MAP9: variants seen among roughly 807,000 people sequenced by gnomAD.
MAP9 encodes the protein microtubule associated protein 9.
A neutral mutation model predicts 75.2 loss-of-function variants in MAP9; 80 were observed. The observed-to-expected ratio is 1.06, with a 90% CI of 0.89 to 1.28. The LOEUF is 1.28. Among genes scored for constraint, MAP9 ranks in the 50% most tolerant of loss-of-function variants. The pLI, the probability that MAP9 is intolerant of heterozygous loss-of-function variation, is 0.00. For synonymous variants in MAP9, 235 were observed against 237.3 expected, an observed-to-expected ratio of 0.99 and a Z score of 0.09; for missense variants, 753 against 719.9, an observed-to-expected ratio of 1.05 and a Z score of -0.53.
chr4:155,359,856 T>C (rs1324997141), intron 7 of MAP9, among the ~76,000 whole-genome samples: 2 of 152,116 alleles, frequency 1.3e-5, no homozygotes, highest in Non-Finnish European at 2.9e-5. Flanking sequence ...CAGACAGTTA[T>C]ATTTTTAAAA....
At position 155,373,279 on chromosome 4, in the gene MAP9, T is replaced by G. The variant is rs1732687154; in HGVS notation, c.338A>C (p.Glu113Ala). The G allele has an allele frequency of 6.2e-7, 1 of 1,613,886 alleles. No individual in the cohort carries two copies. The highest frequency in any genetic ancestry group is 1.3e-5 in the African/African-American group (1 of 75,052). ...ACACCCATCAGGTGCCATTTCCTCT[T>G]CATTTTTGATGGCACACACTGGCTC... Reference protein sequence around the residue: ...KDEPVCAIKNEEEMAPDGCED... With the variant: ...KDEPVCAIKNAEEMAPDGCED... Residue 113 changes from glutamate to alanine, a missense_variant, in exon 4 of 14, where the codon GAA (glutamate) becomes GCA (alanine). Transcript: ENST00000311277.
intron 5 of MAP9, among the ~76,000 whole-genome samples, chr4:155,364,053 G>A (rs937774323): frequency 1.3e-5 from 2 of 152,032 alleles, no homozygotes; most frequent in Non-Finnish European, 2.9e-5. Flanking sequence ...CAGTCAAATT[G>A]CTGTAATCAA....
intron 5 of MAP9, chr4:155,362,470 G>T: frequency 5.7e-6 from 1 of 176,840 alleles, no homozygotes; most frequent in Non-Finnish European, 1.2e-5. Context: ...TTAAGGCCAA[G>T]ATTTGATTTT....
rs1489479737 is a variant in MAP9, at chr4:155,345,289, T to C, written c.*2494A>G. The C allele has an allele frequency of 1.3e-5, 2 of 152,022 alleles. No individual in the cohort carries two copies. The highest frequency in any genetic ancestry group is 2.9e-5 in the Non-Finnish European group (2 of 67,930). The allele number at this position is 152,022 out of a possible 1,614,324, so 9.4% of individuals were successfully genotyped here. A position where few individuals can be genotyped will look rare whatever the true frequency, so the allele number is the denominator to read the frequency against. ...TTGCTGTAAACAGGAAATAATATGT[T>C]ATTTATCATAGTAAGACAAAAAAAA... is the stretch of plus-strand genomic sequence containing the variant. On this transcript the variant is annotated 3_prime_UTR_variant, in exon 14 of 14. Transcript: ENST00000311277.
intron 13 of MAP9, 39 bp downstream of exon 13, chr4:155,352,557 C>A: frequency 1.3e-6 from 2 of 1,541,912 alleles, no homozygotes; most frequent in Non-Finnish European, 1.8e-6. Context: ...ACAAAAGGTA[C>A]ATGAAAAAGA....
At position 155,346,659 on chromosome 4, in the gene MAP9, T is replaced by G. The variant is rs899520053; in HGVS notation, c.*1124A>C. On this transcript the variant is annotated 3_prime_UTR_variant, in exon 14 of 14. Transcript: ENST00000311277. ...GTTGTTGTAAAGATGTTAAATACAT[T>G]TGTAAAGGTCCAGTAGAGATTATAT... The G allele has an allele frequency of 6.6e-6, 1 of 152,548 alleles. No individual in the cohort carries two copies. Among genetic ancestry groups the G allele is most frequent in the African/African-American group, 2.4e-5 (1 of 41,434 alleles). 9.4% of individuals were successfully genotyped at this position (152,548 alleles called of 1,614,324 possible).
At chr4:155,347,983 C>G in intron 13 of MAP9, 78 bp from the exon 14 acceptor site, 1 of 879,348 alleles carries the variant, frequency 1.1e-6, no homozygotes, top group Non-Finnish European at 1.7e-6. Flanking sequence ...TGCTGAAGAA[C>G]AAAATAATCC....
At chr4:155,374,328 G>T (rs1732738362) in intron 3 of MAP9, among the ~76,000 whole-genome samples, 1 of 127,176 alleles carries the variant, frequency 7.9e-6, no homozygotes, top group African/African-American at 3.4e-5. Flanking sequence ...AACTGAGCGA[G>T]ACTCCATCTC....
At chr4:155,349,127 G>A (rs1731396469) in intron 13 of MAP9, among the ~76,000 whole-genome samples, 1 of 134,108 alleles carries the variant, frequency 7.5e-6, no homozygotes, top group African/African-American at 2.8e-5. Flanking sequence ...AGTGTGACAT[G>A]ATGGATAAGA....
chr4:155,371,909 G>T (rs989982907), intron 4 of MAP9, among the ~76,000 whole-genome samples: 1 of 152,088 alleles, frequency 6.6e-6, no homozygotes, highest in East Asian at 1.9e-4. Context: ...ATACTTAGAA[G>T]GTACATTTTA....
intron 4 of MAP9, among the ~76,000 whole-genome samples, chr4:155,369,343 A>C (rs991267398): frequency 6.8e-6 from 1 of 146,524 alleles, no homozygotes; most frequent in Non-Finnish European, 1.5e-5. Flanking sequence ...AAAAAAAAAA[A>C]ACCAAACAAC....
chr4:155,355,345 C>T (rs112944935), intron 9 of MAP9, among the ~76,000 whole-genome samples, 185 bp from the exon 10 acceptor site: 21 of 152,046 alleles, frequency 1.4e-4, no homozygotes, highest in African/African-American at 2.2e-4. Context: ...TTCCTATGTA[C>T]GCCTAACAAC....
chr4:155,362,035 T>C lies in MAP9; in HGVS notation c.802+13A>G, dbSNP rs1157567594. ...GAGTTCACATATAAGATATAATTATTAGATATAACCACCTTTTCCAGATGC... is the reference window on the plus strand; with the variant it reads ...GAGTTCACATATAAGATATAATTATCAGATATAACCACCTTTTCCAGATGC... On this transcript the variant is annotated intron_variant, in intron 6 of 13. Coordinates refer to ENST00000311277, the MANE Select transcript of MAP9 (RefSeq NM_001039580.2). 2 of 1,499,598 alleles carry C rather than the reference T, an allele frequency of 1.3e-6. No homozygotes were observed. Among genetic ancestry groups the C allele is most frequent in the Middle Eastern group, 1.7e-4 (1 of 5,796 alleles). 92.9% of individuals were successfully genotyped at this position (1,499,598 alleles called of 1,614,324 possible).
intron 4 of MAP9, among the ~76,000 whole-genome samples, chr4:155,370,355 G>C (rs115824631): frequency 0.012 from 1,901 of 152,184 alleles, 20 homozygotes; most frequent in Non-Finnish European, 0.02. Flanking sequence ...CAATCCTACA[G>C]AATAAAAGCT....
At chr4:155,355,980 G>T in intron 8 of MAP9, 96 bp from the exon 9 acceptor site, 1 of 1,127,684 alleles carries the variant, frequency 8.9e-7, no homozygotes, top group Non-Finnish European at 1.2e-6. Flanking sequence ...TTGAAAACTG[G>T]CCAGGCATGA....
intron 13 of MAP9, among the ~76,000 whole-genome samples, chr4:155,348,340 A>AAAAC (rs1274696472): frequency 1.3e-5 from 2 of 152,196 alleles, no homozygotes; most frequent in African/African-American, 4.8e-5. Flanking sequence ...CTGTCTCAAA[A>AAAAC]AAACAAACAA....
chr4:155,354,082 A>G (rs1731649475), intron 10 of MAP9: 1 of 152,368 alleles, frequency 6.6e-6, no homozygotes, highest in East Asian at 1.9e-4. Context: ...TGACCACAGC[A>G]GCATACTGCT....
rs1386822941 is a variant in MAP9 at position 155,343,449 on chromosome 4, T to G, written c.*4334A>C. 1 of 151,522 alleles carries G rather than the reference T, an allele frequency of 6.6e-6. No individual in the cohort carries two copies. Among genetic ancestry groups the G allele is most frequent in the East Asian group, 1.9e-4 (1 of 5,190 alleles). The allele number at this position is 151,522 out of a possible 1,614,324, so 9.4% of individuals were successfully genotyped here. A position where few individuals can be genotyped will look rare whatever the true frequency, so the allele number is the denominator to read the frequency against. The stretch of plus-strand genomic sequence containing the variant: ...GGGTGACTTTTGCTTATTTGCATTT[T>G]CTAATTATTTAATAATTATATAATT... On this transcript the variant is annotated 3_prime_UTR_variant, in exon 14 of 14. Coordinates refer to ENST00000311277, the MANE Select transcript of MAP9 (RefSeq NM_001039580.2).
At chr4:155,369,481 AC>A (rs1437318210) in intron 4 of MAP9, among the ~76,000 whole-genome samples, 6 of 71,072 alleles carry the variant, frequency 8.4e-5, no homozygotes, top group East Asian at 7.5e-4. Flanking sequence ...AAATAAAAAA[AC>A]AAAACAAAAT....
Sources: allele counts gnomAD v4.1 joint callset (sites outside exome capture counted in the v4.1 genomes callset), GRCh38; gene constraint gnomAD v4.1.1; transcripts MANE v1.5; gene names NCBI Gene and HGNC (gene_info 2026-07-23, HGNC 2026-07-21).